Variants in GALNT7 observed in about 807,000 individuals in gnomAD.
GALNT7 encodes N-acetylgalactosaminyltransferase 7.
In GALNT7, 60 loss-of-function variants were observed where a neutral mutation model predicts 82.1. That is an observed-to-expected ratio of 0.73 (90% CI 0.59 to 0.91). GALNT7 has a LOEUF of 0.91. GALNT7 is among the 40% of genes least tolerant of loss of function. GALNT7 has a pLI of 0.00. For missense variants in GALNT7, 660 were observed against 804.2 expected (o/e 0.82, Z 2.17); for synonymous variants, 243 against 275.1 (o/e 0.88, Z 1.15).
intron 11 of GALNT7, among the ~76,000 whole-genome samples, chr4:173,319,781 G>A (rs771156254): frequency 2.6e-5 from 4 of 152,070 alleles, no homozygotes; most frequent in Non-Finnish European, 5.9e-5. Context: ...GCTAAAGCAC[G>A]CTATTATATA....
rs919394330 is a variant in GALNT7, at chr4:173,320,890, G to T, written c.1837-690G>T. Among the ~76,000 whole-genome samples the T allele has an allele frequency of 6.6e-6, 1 of 152,086 alleles. No homozygotes were observed. Among genetic ancestry groups the T allele is most frequent in the Admixed American group, 6.6e-5 (1 of 15,258 alleles). On this transcript the variant is annotated intron_variant, in intron 11 of 11. Coordinates refer to ENST00000265000, the MANE Select transcript of GALNT7 (RefSeq NM_017423.3). This position sits in a 1 kb window ranked among gnomAD's most constrained non-coding sequence, Gnocchi z 4.1. ...AAACCGGCATTTACTTTTCAACTGTGTGTGGCCATGAGCAATACAACTATA... is the reference window on the plus strand; with the variant it reads ...AAACCGGCATTTACTTTTCAACTGTTTGTGGCCATGAGCAATACAACTATA...
At chr4:173,208,957 T>C (rs758353855) in intron 1 of GALNT7, among the ~76,000 whole-genome samples, 35 of 152,230 alleles carry the variant, frequency 2.3e-4, no homozygotes, top group Non-Finnish European at 4.0e-4. Context: ...TTGAAATCTT[T>C]GTTCATTTCT....
At chr4:173,183,256 C>T (rs6823312) in intron 1 of GALNT7, among the ~76,000 whole-genome samples, 3,716 of 152,040 alleles carry the variant, frequency 0.024, 112 homozygotes, top group African/African-American at 0.073. Flanking sequence ...TGCACCCCCT[C>T]CCACTATTCC....
chr4:173,288,282 C>CAAAA (rs70944442), intron 2 of GALNT7, among the ~76,000 whole-genome samples: 665 of 62,168 alleles, frequency 0.011, 5 homozygotes, highest in Middle Eastern at 0.018. Context: ...GACTCCATCT[C>CAAAA]AAAAAAAAAA....
intron 2 of GALNT7, among the ~76,000 whole-genome samples, chr4:173,277,678 G>T (rs989926093): frequency 1.3e-5 from 2 of 152,204 alleles, no homozygotes; most frequent in Non-Finnish European, 2.9e-5. Flanking sequence ...TGTATTCCAA[G>T]TGTTGTCTGC....
intron 1 of GALNT7, among the ~76,000 whole-genome samples, chr4:173,210,493 G>A (rs567302025): frequency 1.3e-5 from 2 of 151,882 alleles, no homozygotes; most frequent in South Asian, 2.1e-4. Flanking sequence ...TTGCTCTGTC[G>A]CCCAGGCTGA....
intron 2 of GALNT7, among the ~76,000 whole-genome samples, chr4:173,250,336 C>CTTTT (rs1230936094): frequency 6.6e-6 from 1 of 152,026 alleles, no homozygotes; most frequent in Non-Finnish European, 1.5e-5. Context: ...ACTTAAAACA[C>CTTTT]CAATATAAAT....
chr4:173,263,752 TC>T (rs1429407560), intron 2 of GALNT7, among the ~76,000 whole-genome samples: 1 of 152,220 alleles, frequency 6.6e-6, no homozygotes, highest in Non-Finnish European at 1.5e-5. Flanking sequence ...TATTATAATA[TC>T]AGTATTTTGT....
At chr4:173,222,921 A>G (rs142984886) in intron 1 of GALNT7, among the ~76,000 whole-genome samples, 1 of 152,320 alleles carries the variant, frequency 6.6e-6, no homozygotes, top group African/African-American at 2.4e-5. Context: ...AATGACTACT[A>G]AGGTTAGACT....
At chr4:173,198,704 T>C (rs1032641997) in intron 1 of GALNT7, among the ~76,000 whole-genome samples, 1 of 152,244 alleles carries the variant, frequency 6.6e-6, no homozygotes, top group African/African-American at 2.4e-5. Context: ...ATTCATATAT[T>C]ATTTCAGTAA....
intron 1 of GALNT7, among the ~76,000 whole-genome samples, chr4:173,206,670 T>G (rs922592676): frequency 2.0e-5 from 3 of 152,188 alleles, no homozygotes; most frequent in African/African-American, 7.2e-5. Flanking sequence ...CTCTCTTATG[T>G]TCTAAGAAAT....
chr4:173,231,303 T>G (rs986289635), intron 1 of GALNT7, among the ~76,000 whole-genome samples: 1 of 152,186 alleles, frequency 6.6e-6, no homozygotes, highest in African/African-American at 2.4e-5. Flanking sequence ...AACATGATTT[T>G]AAAAAGCAGA....
chr4:173,314,108 A>C lies in GALNT7; in HGVS notation c.1540A>C (p.Met514Leu). 1 of 1,614,086 alleles carries C rather than the reference A, an allele frequency of 6.2e-7. No homozygotes were observed. The highest frequency in any genetic ancestry group is 8.5e-7 in the Non-Finnish European group (1 of 1,179,940). The change falls in exon 9 of 12, where the codon ATG becomes CTG. Residue 514 changes from methionine to leucine, a missense_variant. Transcript: ENST00000265000. Reference sequence around the variant, plus strand: ...CAACTGCAAAAGTTTTAAGTGGTTCATGGAAGAAATAGCTTATGATATCAC... The same window carrying C: ...CAACTGCAAAAGTTTTAAGTGGTTCCTGGAAGAAATAGCTTATGATATCAC... ...DHNCKSFKWF[M>L]EEIAYDITSH...
At chr4:173,215,612 T>G (rs561510886) in intron 1 of GALNT7, among the ~76,000 whole-genome samples, 2 of 152,240 alleles carry the variant, frequency 1.3e-5, no homozygotes, top group Non-Finnish European at 2.9e-5. Context: ...GCCCGTTGTT[T>G]TGACCCTAAG....
chr4:173,236,477 C>T (rs750710529), intron 1 of GALNT7, among the ~76,000 whole-genome samples: 2 of 152,162 alleles, frequency 1.3e-5, no homozygotes, highest in Non-Finnish European at 2.9e-5. Flanking sequence ...TATCCGAGTA[C>T]TCATTCCAAA....
intron 2 of GALNT7, among the ~76,000 whole-genome samples, chr4:173,265,798 C>T (rs372169293): frequency 2.0e-5 from 3 of 151,530 alleles, no homozygotes; most frequent in East Asian, 1.9e-4. Flanking sequence ...CTGAGTCTAG[C>T]GCTTTGCTTT....
chr4:173,314,283 G>A, intron 9 of GALNT7, 107 bp downstream of exon 9: 2 of 778,352 alleles, frequency 2.6e-6, no homozygotes, highest in South Asian at 1.6e-5. Context: ...AAAAGTTGGG[G>A]TAAAAACTGT....
intron 1 of GALNT7, among the ~76,000 whole-genome samples, chr4:173,193,694 G>A (rs1281904305): frequency 6.6e-6 from 1 of 152,084 alleles, no homozygotes; most frequent in Admixed American, 6.5e-5. Flanking sequence ...CAGCAAACAA[G>A]AAAAAGGCAT....
At chr4:173,197,063 C>CGTT (rs1732800587) in intron 1 of GALNT7, among the ~76,000 whole-genome samples, 2 of 117,946 alleles carry the variant, frequency 1.7e-5, no homozygotes, top group Non-Finnish European at 3.3e-5. Flanking sequence ...CTCTCTCTCC[C>CGTT]TTTTTTTTTT....
Sources: allele counts gnomAD v4.1 joint callset (sites outside exome capture counted in the v4.1 genomes callset), GRCh38; gene constraint gnomAD v4.1.1; non-coding constraint Gnocchi (gnomAD v3.1); transcripts MANE v1.5; gene names NCBI Gene and HGNC (gene_info 2026-07-23, HGNC 2026-07-21).